ASXL2: variants seen among roughly 807,000 people sequenced by gnomAD.
The protein encoded by ASXL2 is ASXL transcriptional regulator 2.
ASXL2 carries 23 observed loss-of-function variants against 122.0 expected under a neutral mutation model. The observed-to-expected ratio is 0.19, with a 90% CI of 0.14 to 0.27. The LOEUF (loss-of-function observed/expected upper bound fraction) is 0.27, where lower values mean the gene tolerates loss of function less well. ASXL2 is among the 10% of genes least tolerant of loss of function. The pLI is 1.00. For missense variants in ASXL2, 1,518 were observed against 1,713.8 expected (o/e 0.89, Z 2.02); for synonymous variants, 650 against 637.0 (o/e 1.02, Z -0.31).
chr2:25,873,812 A>G (rs2089985878), intron 1 of ASXL2, among the ~76,000 whole-genome samples: 2 of 152,030 alleles, frequency 1.3e-5, no homozygotes, highest in African/African-American at 2.4e-5. Context: ...TATAATCTCT[A>G]AAGTCTGCCT....
intron 1 of ASXL2, among the ~76,000 whole-genome samples, chr2:25,850,464 C>T (rs1047434804): frequency 2.6e-5 from 4 of 152,122 alleles, no homozygotes; most frequent in African/African-American, 9.7e-5. Flanking sequence ...GTCCTCTGTC[C>T]CTTGCATTTC....
intron 8 of ASXL2, among the ~76,000 whole-genome samples, chr2:25,762,135 C>T (rs982302327): frequency 1.3e-5 from 2 of 151,870 alleles, no homozygotes; most frequent in Non-Finnish European, 2.9e-5. Flanking sequence ...AAGATGGTTA[C>T]TTTTAAGAAT....
intron 3 of ASXL2, among the ~76,000 whole-genome samples, chr2:25,824,114 G>A (rs1314140016): frequency 6.6e-6 from 1 of 152,076 alleles, no homozygotes; most frequent in Non-Finnish European, 1.5e-5. Context: ...GCAATAATTA[G>A]TAGTTATGCT....
intron 12 of ASXL2, among the ~76,000 whole-genome samples, chr2:25,748,364 G>C (rs1399660806): frequency 2.6e-5 from 4 of 151,780 alleles, no homozygotes. Flanking sequence ...AAATTAGCCA[G>C]GTATGGTGGT....
intron 3 of ASXL2, among the ~76,000 whole-genome samples, chr2:25,817,166 A>G (rs2089249200): frequency 6.6e-6 from 1 of 152,232 alleles, no homozygotes; most frequent in African/African-American, 2.4e-5. Context: ...GGAAAAGATC[A>G]TCCATAAATG....
In ASXL2 at chr2:25,845,548, G is replaced by A; in HGVS notation, c.73C>T (p.Pro25Ser). 1 of 1,426,376 alleles carries A rather than the reference G, an allele frequency of 7.0e-7. No homozygotes were observed. Among genetic ancestry groups the A allele is most frequent in the Non-Finnish European group, 9.3e-7 (1 of 1,079,326 alleles). The allele number at this position is 1,426,376 out of a possible 1,614,324, so 88.4% of individuals were successfully genotyped here. The part of the protein sequence containing the change: ...EAAKTVLEKY[P>S]NTPMSHKEIL... ...TCTTTATGACTCATGGGTGTATTGG[G>A]GTATTTTTCTAAGACCTGAAAAACA... Residue 25 changes from proline to serine, a missense_variant, in exon 2 of 13, where the codon CCC (proline) becomes TCC (serine). Transcript: ENST00000435504.
chr2:25,782,719 A>G (rs1044195479), intron 5 of ASXL2, among the ~76,000 whole-genome samples: 14 of 152,214 alleles, frequency 9.2e-5, no homozygotes, highest in African/African-American at 2.9e-4. Context: ...CCAATTCTCA[A>G]TTTTATTGAG....
intron 1 of ASXL2, among the ~76,000 whole-genome samples, chr2:25,853,006 A>G (rs550381141): frequency 1.6e-4 from 24 of 152,312 alleles, no homozygotes; most frequent in African/African-American, 5.5e-4. Context: ...AACATGTGGA[A>G]TTGAGGAATA....
In ASXL2 at chr2:25,743,976, T is replaced by G; in HGVS notation, c.2361A>C (p.Gly787=). The stretch of plus-strand genomic sequence containing the variant: ...CTGGTGATGGGACACTTGTGCATGC[T>G]CCACTGACGGCAGGTGTTGGAGGCA... ...PPVPPTPAVS[G]ACTSVPSPAH... is the part of the protein sequence containing the mutation. Residue 787 remains glycine (G), a synonymous_variant, in exon 13 of 13, where the codon GGA becomes GGC. Transcript: ENST00000435504. The G allele has an allele frequency of 6.2e-7, 1 of 1,614,000 alleles. No homozygotes were observed. Among genetic ancestry groups the G allele is most frequent in the Non-Finnish European group, 8.5e-7 (1 of 1,179,888 alleles).
intron 1 of ASXL2, among the ~76,000 whole-genome samples, chr2:25,856,069 G>GT (rs1487080243): frequency 6.8e-6 from 1 of 147,560 alleles, no homozygotes; most frequent in Non-Finnish European, 1.5e-5. Context: ...TTTGTTTTTT[G>GT]TTTTTTGAGA....
chr2:25,780,613 G>A (rs182506413), intron 5 of ASXL2, among the ~76,000 whole-genome samples: 160 of 152,290 alleles, frequency 1.1e-3, no homozygotes, highest in African/African-American at 3.4e-3. Flanking sequence ...TCCTGTAGGT[G>A]ATTCTGACGC....
chr2:25,739,141 A>T lies in ASXL2; in HGVS notation c.*2888T>A, dbSNP rs1453208744. The T allele has an allele frequency of 6.6e-6, 1 of 152,392 alleles. No individual in the cohort carries two copies. The highest frequency in any genetic ancestry group is 2.4e-5 in the African/African-American group (1 of 41,446). 9.4% of individuals were successfully genotyped at this position (152,392 alleles called of 1,614,324 possible). A position where few individuals can be genotyped will look rare whatever the true frequency, so the allele number is the denominator to read the frequency against. Reference sequence around the variant, plus strand: ...ACATCTGAAGGCTAGATAGGGGTGCACGGGAGGCGTATGCATCAGGCATAA... The same window carrying T: ...ACATCTGAAGGCTAGATAGGGGTGCTCGGGAGGCGTATGCATCAGGCATAA... On this transcript the variant is annotated 3_prime_UTR_variant, in exon 13 of 13. Coordinates refer to ENST00000435504, the MANE Select transcript of ASXL2 (RefSeq NM_018263.6).
intron 5 of ASXL2, among the ~76,000 whole-genome samples, chr2:25,795,696 G>A (rs949810055): frequency 6.6e-6 from 1 of 152,146 alleles, no homozygotes; most frequent in Non-Finnish European, 1.5e-5. Flanking sequence ...ACCTGGCTTG[G>A]CTCCTAATCT....
intron 5 of ASXL2, among the ~76,000 whole-genome samples, chr2:25,772,838 G>A (rs2088479301): frequency 6.7e-6 from 1 of 149,076 alleles, no homozygotes; most frequent in Non-Finnish European, 1.5e-5. Flanking sequence ...TTGGACTATA[G>A]TATTTCAATT....
At chr2:25,810,381 C>A in intron 3 of ASXL2, 5 of 651,522 alleles carry the variant, frequency 7.7e-6, no homozygotes, top group Admixed American at 4.3e-5. Context: ...TTTTAACAAC[C>A]TTCATATCTC....
chr2:25,869,202 T>A (rs1574456794), intron 1 of ASXL2, among the ~76,000 whole-genome samples: 1 of 150,518 alleles, frequency 6.6e-6, no homozygotes, highest in Admixed American at 6.6e-5. Context: ...TGGTGGCATG[T>A]GCCTGTAGTC....
At position 25,806,065 on chromosome 2, in the gene ASXL2, T is replaced by A. The variant is rs184216236; in HGVS notation, c.252+164A>T. Among the ~76,000 whole-genome samples, 26 of 152,320 alleles carry A rather than the reference T, an allele frequency of 1.7e-4. No homozygotes were observed. The East Asian group carries it at 2.1e-3, about 12-fold the overall frequency. On this transcript the variant is annotated intron_variant, in intron 4 of 12. Transcript: ENST00000435504. ...CTTCTCTGATCTACCTATAGTTAGTTATAGATTAGTTTTTAAAAAATGTAT... is the reference window on the plus strand; with the variant it reads ...CTTCTCTGATCTACCTATAGTTAGTAATAGATTAGTTTTTAAAAAATGTAT...
chr2:25,757,173 G>C (rs1574399395), intron 9 of ASXL2, among the ~76,000 whole-genome samples: 1 of 152,096 alleles, frequency 6.6e-6, no homozygotes, highest in Non-Finnish European at 1.5e-5. Flanking sequence ...ACACAGTCAA[G>C]TATGGCTTCC....
intron 5 of ASXL2, among the ~76,000 whole-genome samples, chr2:25,792,089 C>T (rs1436353758): frequency 7.2e-5 from 11 of 152,318 alleles, no homozygotes; most frequent in South Asian, 2.1e-4. Context: ...CTTGAACTCC[C>T]GGGCTCAAGC....
Sources: gnomAD v4.1 joint callset for allele counts (sites outside exome capture counted in the v4.1 genomes callset) on GRCh38, gnomAD v4.1.1 for gene constraint, MANE v1.5 for transcripts, NCBI Gene and HGNC (gene_info 2026-07-23, HGNC 2026-07-21) for gene names.